The following WDR70 variants were observed in gnomAD, a reference collection of about 807,000 sequenced individuals.
WDR70 encodes the protein WD repeat-containing protein 70.
A neutral mutation model predicts 88.6 loss-of-function variants in WDR70; 53 were observed. The ratio of observed to expected loss-of-function variants is 0.60; its 90% confidence interval spans 0.48 to 0.75. The LOEUF (loss-of-function observed/expected upper bound fraction) is 0.75, where lower values mean the gene tolerates loss of function less well. Ranked by LOEUF, WDR70 falls within the 30% of genes least tolerant of loss-of-function variation. The pLI is 0.00. For missense variants in WDR70, 610 were observed against 823.2 expected, an observed-to-expected ratio of 0.74 and a Z score of 3.17; for synonymous variants, 280 against 270.0, an observed-to-expected ratio of 1.04 and a Z score of -0.36.
At chr5:37,590,442 C>T (rs1743497699) in intron 9 of WDR70, among the ~76,000 whole-genome samples, 1 of 152,094 alleles carries the variant, frequency 6.6e-6, no homozygotes, top group Admixed American at 6.6e-5. Context: ...ATGTTGTGTA[C>T]AGTGGGTTCA....
At chr5:37,438,688 A>AATCAAT (rs1750557766) in intron 6 of WDR70, among the ~76,000 whole-genome samples, 2 of 152,150 alleles carry the variant, frequency 1.3e-5, no homozygotes, top group South Asian at 4.1e-4. Flanking sequence ...GGGAAATATC[A>AATCAAT]ATCAATAGAG....
chr5:37,573,747 C>T (rs886774340), intron 9 of WDR70, among the ~76,000 whole-genome samples: 2 of 151,988 alleles, frequency 1.3e-5, no homozygotes, highest in Non-Finnish European at 2.9e-5. Context: ...TGTCATTCAC[C>T]TCAGAGCCCA....
intron 17 of WDR70, among the ~76,000 whole-genome samples, chr5:37,731,822 G>A (rs955306596): frequency 1.3e-5 from 2 of 152,234 alleles, no homozygotes; most frequent in South Asian, 4.1e-4. Context: ...TAATATAGCA[G>A]TATTAGCAGT....
Position 37,752,726 on chromosome 5 carries a change from C to A in WDR70, c.*153C>A. On this transcript the variant is annotated 3_prime_UTR_variant, in exon 18 of 18. Coordinates refer to ENST00000265107, the MANE Select transcript of WDR70 (RefSeq NM_018034.4). Reference sequence around the variant, plus strand: ...GGTCAAAAGTTTGGTGGCTAGGCTTCACTAAAATTGTGCTTAAATTTTCTT... The same window carrying A: ...GGTCAAAAGTTTGGTGGCTAGGCTTAACTAAAATTGTGCTTAAATTTTCTT... 1.7e-6 allele frequency: 1 copy of A among 593,026 alleles called. No individual in the cohort carries two copies. The highest frequency in any genetic ancestry group is 3.5e-5 in the Admixed American group (1 of 28,240). The allele number at this position is 593,026 out of a possible 1,614,324, so 36.7% of individuals were successfully genotyped here.
At chr5:37,564,124 G>GT (rs1366124523) in intron 9 of WDR70, among the ~76,000 whole-genome samples, 2 of 149,964 alleles carry the variant, frequency 1.3e-5, no homozygotes, top group Admixed American at 6.6e-5. Context: ...CAGACGGGGT[G>GT]GCGGCTGGGC....
intron 8 of WDR70, among the ~76,000 whole-genome samples, chr5:37,504,885 T>G (rs1337244776): frequency 2.0e-5 from 3 of 152,184 alleles, no homozygotes; most frequent in Non-Finnish European, 4.4e-5. Context: ...GGGGTAGATA[T>G]AAGGACACCA....
At chr5:37,739,974 T>C (rs1159480690) in intron 17 of WDR70, among the ~76,000 whole-genome samples, 1 of 152,360 alleles carries the variant, frequency 6.6e-6, no homozygotes, top group African/African-American at 2.4e-5. Flanking sequence ...TTGGTTGTTA[T>C]TGTTTTTATT....
chr5:37,590,967 T>G (rs1022801514), intron 9 of WDR70, among the ~76,000 whole-genome samples: 3 of 151,962 alleles, frequency 2.0e-5, no homozygotes, highest in Admixed American at 6.6e-5. Flanking sequence ...TGAATAAAAC[T>G]GAAATTAAAA....
At chr5:37,677,323 C>T (rs561001204) in intron 10 of WDR70, among the ~76,000 whole-genome samples, 5,835 of 151,242 alleles carry the variant, frequency 0.039, 403 homozygotes, top group African/African-American at 0.14. Flanking sequence ...TTAATTGTGA[C>T]ATTAGGGTGT....
intron 7 of WDR70, among the ~76,000 whole-genome samples, chr5:37,449,949 C>A (rs1738625665): frequency 6.6e-6 from 1 of 152,098 alleles, no homozygotes; most frequent in African/African-American, 2.4e-5. Flanking sequence ...TCCTTGTGTC[C>A]ATGTGTTCTC....
At chr5:37,703,167 T>G in intron 13 of WDR70, 80 bp downstream of exon 13, 2 of 1,543,198 alleles carry the variant, frequency 1.3e-6, no homozygotes, top group Non-Finnish European at 1.8e-6. Flanking sequence ...GTTTGTTAAG[T>G]AGAATATAAG....
intron 13 of WDR70, among the ~76,000 whole-genome samples, chr5:37,715,337 CAA>C (rs138965709): frequency 0.66 from 74,533 of 112,764 alleles, 24,213 homozygotes; most frequent in East Asian, 0.84. Context: ...AGATTTCTGG[CAA>C]AAAAAAAAAA....
chr5:37,693,496 C>T (rs549533702), intron 10 of WDR70, among the ~76,000 whole-genome samples: 7 of 152,288 alleles, frequency 4.6e-5, no homozygotes, highest in Non-Finnish European at 1.0e-4. Context: ...CAGCATGGTA[C>T]TGGTACCAAA....
At chr5:37,478,289 C>T (rs527400387) in intron 7 of WDR70, among the ~76,000 whole-genome samples, 2 of 152,316 alleles carry the variant, frequency 1.3e-5, no homozygotes, top group Non-Finnish European at 2.9e-5. Flanking sequence ...CCTGCCATGG[C>T]TTCTCTTTCA....
At chr5:37,532,156 G>A (rs1741513485) in intron 9 of WDR70, among the ~76,000 whole-genome samples, 1 of 152,134 alleles carries the variant, frequency 6.6e-6, no homozygotes, top group Non-Finnish European at 1.5e-5. Flanking sequence ...TTCCTTTATA[G>A]GTTACCTGGT....
At chr5:37,633,076 A>G (rs1184776207) in intron 10 of WDR70, among the ~76,000 whole-genome samples, 4 of 152,194 alleles carry the variant, frequency 2.6e-5, no homozygotes, top group South Asian at 2.1e-4. Flanking sequence ...GCAATAGGCT[A>G]TTCCATGTAA....
intron 4 of WDR70, among the ~76,000 whole-genome samples, chr5:37,393,436 G>C (rs1347508114): frequency 2.6e-5 from 4 of 151,998 alleles, no homozygotes; most frequent in Admixed American, 2.0e-4. Context: ...TCTTTGCCTA[G>C]TTCCTTGAGG....
rs541020790 is a variant in WDR70, at chr5:37,468,071, G to C, written c.687-11763G>C. Among the ~76,000 whole-genome samples, 63 of 152,066 alleles carry C rather than the reference G, an allele frequency of 4.1e-4. No homozygotes were observed. In the South Asian group the frequency reaches 6.0e-3, roughly 15 times the overall value. On this transcript the variant is annotated intron_variant, in intron 7 of 17. Transcript: ENST00000265107. Reference sequence around the variant, plus strand: ...TTACCATGTTAACCAGGATGGTGTCGATCTCCTGACCTTGTGATTCACCCG... The same window carrying C: ...TTACCATGTTAACCAGGATGGTGTCCATCTCCTGACCTTGTGATTCACCCG...
At chr5:37,666,200 G>A (rs1195667984) in intron 10 of WDR70, among the ~76,000 whole-genome samples, 1 of 152,204 alleles carries the variant, frequency 6.6e-6, no homozygotes, top group African/African-American at 2.4e-5. Context: ...TCAATTAAAA[G>A]CTGAATTGGG....
Sources: gnomAD v4.1 joint callset for allele counts (sites outside exome capture counted in the v4.1 genomes callset) on GRCh38, gnomAD v4.1.1 for gene constraint, MANE v1.5 for transcripts, NCBI Gene and HGNC (gene_info 2026-07-23, HGNC 2026-07-21) for gene names.